The following SNX29 variants were observed in gnomAD, a reference collection of about 807,000 sequenced individuals.
SNX29 encodes the protein sorting nexin-29.
SNX29 carries 78 observed loss-of-function variants against 102.1 expected under a neutral mutation model. The observed-to-expected ratio is 0.76, with a 90% CI of 0.64 to 0.92. SNX29 has a LOEUF of 0.92. SNX29 is among the 40% of genes least tolerant of loss of function. The probability of loss-of-function intolerance (pLI) is 0.00; values close to 1 mark genes in which losing one functional copy is unlikely to be tolerated. For synonymous variants in SNX29, 580 were observed against 414.5 expected (o/e 1.40, Z -4.85); for missense variants, 1,280 against 1,061.7 (o/e 1.21, Z -2.86).
At chr16:12,542,101 C>G (rs1340954888) in intron 20 of SNX29, among the ~76,000 whole-genome samples, 1 of 152,132 alleles carries the variant, frequency 6.6e-6, no homozygotes, top group Non-Finnish European at 1.5e-5. Flanking sequence ...TGTCTCTTCC[C>G]AACGGATCCC....
Position 12,063,314 on chromosome 16 carries a change from C to T in SNX29, c.1243+1668C>T, listed in dbSNP as rs540328598. On this transcript the variant is annotated intron_variant, in intron 9 of 20. Coordinates refer to ENST00000566228, the MANE Select transcript of SNX29 (RefSeq NM_032167.5). The stretch of plus-strand genomic sequence containing the variant: ...GGTGCTGTCATCTTTCTTATGTGGC[C>T]TCCCTCCACTTCCTGATGGGGGTCT... Among the ~76,000 whole-genome samples, 11 of 150,244 alleles carry T rather than the reference C, an allele frequency of 7.3e-5. No individual in the cohort carries two copies. The South Asian group carries it at 2.1e-3, about 29-fold the overall frequency.
Position 12,571,421 on chromosome 16 carries a change from C to G in SNX29, c.*2792C>G, listed in dbSNP as rs141814454. The stretch of plus-strand genomic sequence containing the variant: ...GCTTGCACCTCACATCTGTCTTCTT[C>G]TAAGATTACTCGGAGATTTTCAAAC... On this transcript the variant is annotated 3_prime_UTR_variant, in exon 21 of 21. Transcript: ENST00000566228. 6.4e-5 allele frequency: 15 copies of G among 233,572 alleles called. No individual in the cohort carries two copies. The highest frequency in any genetic ancestry group is 1.1e-4 in the Non-Finnish European group (13 of 119,124). 14.5% of individuals were successfully genotyped at this position (233,572 alleles called of 1,614,324 possible). A position where few individuals can be genotyped will look rare whatever the true frequency, so the allele number is the denominator to read the frequency against.
chr16:12,490,326 T>C (rs1210647742), intron 19 of SNX29, among the ~76,000 whole-genome samples: 1 of 152,222 alleles, frequency 6.6e-6, no homozygotes, highest in African/African-American at 2.4e-5. Flanking sequence ...TCTGGCTTCT[T>C]TCTCTCAGCA....
At chr16:12,350,176 A>G (rs1402938751) in intron 15 of SNX29, among the ~76,000 whole-genome samples, 1 of 152,200 alleles carries the variant, frequency 6.6e-6, no homozygotes, top group Non-Finnish European at 1.5e-5. Flanking sequence ...TGCATGTGAC[A>G]GTTACAGTTG....
chr16:12,460,416 G>C (rs1489112200), intron 18 of SNX29, among the ~76,000 whole-genome samples: 2 of 152,108 alleles, frequency 1.3e-5, no homozygotes, highest in Non-Finnish European at 2.9e-5. Context: ...AAAGGTCTTA[G>C]TGTAACCAAA....
chr16:12,493,628 C>G (rs2088662259), intron 19 of SNX29, among the ~76,000 whole-genome samples: 1 of 152,198 alleles, frequency 6.6e-6, no homozygotes, highest in African/African-American at 2.4e-5. Flanking sequence ...AGGTCTCACT[C>G]TTGCCCAGGC....
intron 20 of SNX29, among the ~76,000 whole-genome samples, chr16:12,533,727 C>G (rs1253329547): frequency 6.6e-6 from 1 of 152,186 alleles, no homozygotes; most frequent in Non-Finnish European, 1.5e-5. Context: ...GCCTGTAGGT[C>G]TGGGTGGGTC....
At position 12,571,076 on chromosome 16, in the gene SNX29, G is replaced by A. The variant is rs1378454537; in HGVS notation, c.*2447G>A. On this transcript the variant is annotated 3_prime_UTR_variant, in exon 21 of 21. Transcript: ENST00000566228. ...CTAAAAATGCTGGTGGCCCGCACAT[G>A]ACAGCAACTCCCCGAAGCCTTCCCT... The A allele has an allele frequency of 8.6e-6, 2 of 232,538 alleles. No individual in the cohort carries two copies. The highest frequency in any genetic ancestry group is 1.1e-4 in the Admixed American group (2 of 17,762). The allele number at this position is 232,538 out of a possible 1,614,324, so 14.4% of individuals were successfully genotyped here. A position where few individuals can be genotyped will look rare whatever the true frequency, so the allele number is the denominator to read the frequency against.
In SNX29 at chr16:12,495,154, GTTTTCTT is replaced by G. The variant is rs566239935; in HGVS notation, c.2178+17307_2178+17313del. On this transcript the variant is annotated intron_variant, in intron 19 of 20. Coordinates refer to ENST00000566228, the MANE Select transcript of SNX29 (RefSeq NM_032167.5). Reference sequence around the variant, plus strand: ...GGCAGGTCTCAATGGCAATTCTTTCGTTTTCTTTTTTCTTTTTTTTGAGTCTTGCTCT... The same window carrying G: ...GGCAGGTCTCAATGGCAATTCTTTCGTTTTCTTTTTTTTGAGTCTTGCTCT... Among the ~76,000 whole-genome samples the G allele has an allele frequency of 6.9e-4, 105 of 152,032 alleles. No individual in the cohort carries two copies. The East Asian group carries it at 0.018, about 26-fold the overall frequency.
chr16:12,568,647 C>T lies in SNX29; in HGVS notation c.*18C>T, dbSNP rs760077632. On this transcript the variant is annotated 3_prime_UTR_variant, in exon 21 of 21. Coordinates refer to ENST00000566228, the MANE Select transcript of SNX29 (RefSeq NM_032167.5). Reference sequence around the variant, plus strand: ...ACCTCTGACCTCGACAAAACCGCAGCCACGGGCCCTGTGCGTGGCACCAGC... The same window carrying T: ...ACCTCTGACCTCGACAAAACCGCAGTCACGGGCCCTGTGCGTGGCACCAGC... The T allele has an allele frequency of 6.2e-7, 1 of 1,600,254 alleles. No homozygotes were observed. The highest frequency in any genetic ancestry group is 8.5e-7 in the Non-Finnish European group (1 of 1,179,404).
chr16:12,132,915 C>G (rs2054520438), intron 13 of SNX29, among the ~76,000 whole-genome samples: 1 of 152,220 alleles, frequency 6.6e-6, no homozygotes, highest in Non-Finnish European at 1.5e-5. Context: ...TAGAGTTAAC[C>G]TCTGCCAGTG....
At chr16:12,302,214 A>G (rs1236289923) in intron 15 of SNX29, among the ~76,000 whole-genome samples, 4 of 152,218 alleles carry the variant, frequency 2.6e-5, no homozygotes, top group African/African-American at 9.7e-5. Context: ...GCGGCATGGA[A>G]ACAGATGAAT....
At chr16:12,424,594 G>T (rs1022347550) in intron 18 of SNX29, among the ~76,000 whole-genome samples, 2 of 152,164 alleles carry the variant, frequency 1.3e-5, no homozygotes, top group African/African-American at 4.8e-5. Context: ...TAGCTTCAGA[G>T]CCTAGGGGCT....
intron 20 of SNX29, among the ~76,000 whole-genome samples, chr16:12,547,750 T>G (rs752825741): frequency 2.6e-5 from 4 of 152,132 alleles, no homozygotes; most frequent in East Asian, 1.9e-4. Context: ...AGCCTCCTCC[T>G]GTGAAGCTGC....
In SNX29 at chr16:12,199,619, A is replaced by G. The variant is rs2076864163; in HGVS notation, c.1614A>G (p.Lys538=). Residue 538 remains lysine, a synonymous_variant, in exon 14 of 21, where the codon AAA becomes AAG. Transcript: ENST00000566228. ...QALARENEVL[K]VQLKKYVGAV... ...CCTGCAGAGAGAACGAGGTGCTCAA[A>G]GTCCAACTGAAGAAATATGTAGGAG... 1.2e-6 allele frequency: 2 copies of G among 1,613,042 alleles called. No individual in the cohort carries two copies. Among genetic ancestry groups the G allele is most frequent in the Admixed American group, 1.7e-5 (1 of 59,946 alleles).
intron 13 of SNX29, among the ~76,000 whole-genome samples, chr16:12,144,423 C>G (rs2054976651): frequency 6.6e-6 from 1 of 152,168 alleles, no homozygotes; most frequent in Admixed American, 6.5e-5. Context: ...AACTTAATTA[C>G]CAAGCAACAG....
chr16:12,195,929 C>T (rs2076761432), intron 13 of SNX29, among the ~76,000 whole-genome samples: 1 of 149,936 alleles, frequency 6.7e-6, no homozygotes, highest in South Asian at 2.1e-4. Context: ...TCTGCCTTTG[C>T]TGGTTGTGAG....
At chr16:12,379,029 A>G (rs1054732360) in intron 16 of SNX29, among the ~76,000 whole-genome samples, 4 of 152,228 alleles carry the variant, frequency 2.6e-5, no homozygotes, top group Non-Finnish European at 5.9e-5. Context: ...CCCTTGGATC[A>G]CATCTCTTGG....
At chr16:12,235,583 G>A (rs1203917124) in intron 14 of SNX29, among the ~76,000 whole-genome samples, 6 of 151,842 alleles carry the variant, frequency 4.0e-5, no homozygotes, top group Admixed American at 3.9e-4. Flanking sequence ...ATTTTCACCT[G>A]CCTAACATTG....
Sources: allele counts gnomAD v4.1 joint callset (sites outside exome capture counted in the v4.1 genomes callset), GRCh38; gene constraint gnomAD v4.1.1; transcripts MANE v1.5; gene names NCBI Gene and HGNC (gene_info 2026-07-23, HGNC 2026-07-21).